Variants in RAB11FIP3 observed in about 807,000 individuals in gnomAD.
RAB11FIP3 encodes RAB11 family interacting protein 3, also known as rab11 family-interacting protein 3.
Under a neutral mutation model 77.8 loss-of-function variants are expected in RAB11FIP3, and 17 were observed. The ratio of observed to expected loss-of-function variants is 0.22; its 90% CI spans 0.15 to 0.33. The LOEUF is 0.33. Among genes scored for constraint, RAB11FIP3 ranks in the 10% least tolerant of loss-of-function variants. RAB11FIP3 has a pLI of 1.00. For missense variants in RAB11FIP3, 1,005 were observed against 1,011.2 expected (o/e 0.99, Z 0.08); for synonymous variants, 437 against 448.2 (o/e 0.98, Z 0.31).
intron 1 of RAB11FIP3, among the ~76,000 whole-genome samples, chr16:450,435 C>T (rs1394586702): frequency 6.6e-6 from 1 of 152,202 alleles, no homozygotes; most frequent in African/African-American, 2.4e-5. Flanking sequence ...ATCCCCTGGC[C>T]TCCAAAAGTG....
chr16:463,403 G>A (rs1188457016), intron 2 of RAB11FIP3, among the ~76,000 whole-genome samples: 1 of 151,270 alleles, frequency 6.6e-6, no homozygotes, highest in Non-Finnish European at 1.5e-5. Flanking sequence ...GATGGCTCTG[G>A]GGAAACGTGC....
At chr16:466,581 A>AC (rs1485537965) in intron 2 of RAB11FIP3, among the ~76,000 whole-genome samples, 1 of 152,164 alleles carries the variant, frequency 6.6e-6, no homozygotes, top group Non-Finnish European at 1.5e-5. Flanking sequence ...TCTGTCTGGG[A>AC]AGCCTGGGGG....
intron 1 of RAB11FIP3, among the ~76,000 whole-genome samples, chr16:434,698 A>G (rs1472628803): frequency 6.6e-6 from 1 of 152,084 alleles, no homozygotes. Flanking sequence ...GATTACAAGC[A>G]TGAGCCACTG....
intron 1 of RAB11FIP3, among the ~76,000 whole-genome samples, chr16:444,390 G>A (rs1006332643): frequency 3.9e-5 from 6 of 152,148 alleles, no homozygotes; most frequent in African/African-American, 1.4e-4. Flanking sequence ...TCTCTTTTGT[G>A]CTGACTTAAA....
rs2055872913 is a variant in RAB11FIP3 at position 474,931 on chromosome 16, C to A, written c.903+3542C>A. The A allele has an allele frequency of 2.6e-6, 4 of 1,545,844 alleles. No individual in the cohort carries two copies. The South Asian group carries it at 3.6e-5, about 14-fold the overall frequency. On this transcript the variant is annotated intron_variant, in intron 3 of 13. Coordinates refer to ENST00000262305, the MANE Select transcript of RAB11FIP3 (RefSeq NM_014700.4). The stretch of plus-strand genomic sequence containing the variant: ...GGTGAGCGCACAGGCTTTGCAGAAA[C>A]CCCAGCATGACAAGCAAGTAGGAAG...
rs1373274469 is a variant in RAB11FIP3, at chr16:508,325, T to C, written c.1500-2335T>C. On this transcript the variant is annotated intron_variant, in intron 8 of 13. Transcript: ENST00000262305. ...ACATACTTGGAGGAGGATCTTGTAT[T>C]ATTTGCCGTGCTGTGCACCTGGTTT... 5.9e-5 allele frequency among the ~76,000 whole-genome samples: 9 copies of C among 152,224 alleles called. No homozygotes were observed. The East Asian group carries it at 1.7e-3, about 29-fold the overall frequency.
In RAB11FIP3 at chr16:491,090, A is replaced by G; in HGVS notation, c.1265+2090A>G. The G allele has an allele frequency of 3.1e-6, 4 of 1,276,202 alleles. No individual in the cohort carries two copies. In the South Asian group the frequency reaches 5.0e-5, roughly 16 times the overall value. The allele number at this position is 1,276,202 out of a possible 1,614,324, so 79.1% of individuals were successfully genotyped here. ...CTCGTGCGGAGTCACAGATGACCACACGGGTCCTCATCCTCTCCTGAACGG... is the reference window on the plus strand; with the variant it reads ...CTCGTGCGGAGTCACAGATGACCACGCGGGTCCTCATCCTCTCCTGAACGG... On this transcript the variant is annotated intron_variant, in intron 5 of 13. Coordinates refer to ENST00000262305, the MANE Select transcript of RAB11FIP3 (RefSeq NM_014700.4).
In RAB11FIP3 at chr16:505,887, C is replaced by T. The variant is rs939081848; in HGVS notation, c.1499+260C>T. Among the ~76,000 whole-genome samples the T allele has an allele frequency of 1.3e-5, 2 of 152,118 alleles. No individual in the cohort carries two copies. Among genetic ancestry groups the T allele is most frequent in the African/African-American group, 4.8e-5 (2 of 41,424 alleles). On this transcript the variant is annotated intron_variant, in intron 8 of 13. Transcript: ENST00000262305. This position sits in a 1 kb window ranked among gnomAD's most constrained non-coding sequence, Gnocchi z 4.0. ...CCAGAGGAGGGCACTGCCTCCCTCT[C>T]GGGAGCGCTGAGACCTGACCCACAC...
intron 9 of RAB11FIP3, among the ~76,000 whole-genome samples, chr16:512,936 C>A (rs1474393813): frequency 6.6e-6 from 1 of 152,068 alleles, no homozygotes; most frequent in Non-Finnish European, 1.5e-5. Flanking sequence ...CCCACCTCGG[C>A]CTCCCAAAGC....
At position 519,901 on chromosome 16, in the gene RAB11FIP3, C is replaced by T. The variant is rs2032597979; in HGVS notation, c.1860+10C>T. On this transcript the variant is annotated intron_variant, in intron 11 of 13. Coordinates refer to ENST00000262305, the MANE Select transcript of RAB11FIP3 (RefSeq NM_014700.4). ...GGAGGCCACCCAGGAGGTGAGCACC[C>T]ACCCTGCCCCACGCCCAGTCCTGCG... The T allele has an allele frequency of 1.9e-6, 3 of 1,570,510 alleles. No homozygotes were observed. Among genetic ancestry groups the T allele is most frequent in the Admixed American group, 1.9e-5 (1 of 53,648 alleles).
At chr16:430,559 TG>T (rs1284415231) in intron 1 of RAB11FIP3, among the ~76,000 whole-genome samples, 1 of 152,122 alleles carries the variant, frequency 6.6e-6, no homozygotes, top group African/African-American at 2.4e-5. Context: ...TGCACCTTTT[TG>T]TTCGTTTGTT....
chr16:493,637 C>T (rs1194274308), intron 5 of RAB11FIP3, among the ~76,000 whole-genome samples: 3 of 152,264 alleles, frequency 2.0e-5, no homozygotes, highest in East Asian at 1.9e-4. Flanking sequence ...GACAGAGTCT[C>T]GCTTTGTGAC....
chr16:446,350 C>T (rs573864006), intron 1 of RAB11FIP3, among the ~76,000 whole-genome samples: 85 of 152,310 alleles, frequency 5.6e-4, no homozygotes, highest in African/African-American at 2.0e-3. Flanking sequence ...CCCAGAGAGG[C>T]AGGGCACTGA....
intron 9 of RAB11FIP3, among the ~76,000 whole-genome samples, chr16:515,414 C>T (rs1311663417): frequency 6.6e-6 from 1 of 152,192 alleles, no homozygotes; most frequent in Non-Finnish European, 1.5e-5. Flanking sequence ...GCTGCACACA[C>T]TCCTAACGCA....
intron 6 of RAB11FIP3, among the ~76,000 whole-genome samples, chr16:497,728 G>A (rs80060500): frequency 6.6e-5 from 10 of 152,230 alleles, no homozygotes; most frequent in South Asian, 6.2e-4. Context: ...TTTGTCCAGC[G>A]TATCTTCCTG....
intron 4 of RAB11FIP3, among the ~76,000 whole-genome samples, chr16:488,504 G>C (rs920457186): frequency 1.3e-5 from 2 of 152,022 alleles, no homozygotes; most frequent in Non-Finnish European, 2.9e-5. Flanking sequence ...GGCCTCCCAG[G>C]CTCAAGCGAT....
Position 461,451 on chromosome 16 carries a change from C to T in RAB11FIP3, c.762C>T (p.Ile254=). 1 of 1,614,036 alleles carries T rather than the reference C, an allele frequency of 6.2e-7. No homozygotes were observed. The highest frequency in any genetic ancestry group is 1.1e-5 in the South Asian group (1 of 91,078). Residue 254 remains isoleucine, a synonymous_variant, in exon 2 of 14, where the codon ATC becomes ATT. Transcript: ENST00000262305. The surrounding 1 kb of genome is among the most constrained non-coding windows in gnomAD (Gnocchi z 4.5). ...TGGATCCCAGTGGGCTCGGCGTGATCAGCTTTGAAGACTTCTACCAAGGGA... is the reference window on the plus strand; with the variant it reads ...TGGATCCCAGTGGGCTCGGCGTGATTAGCTTTGAAGACTTCTACCAAGGGA... ...KYLDPSGLGV[I]SFEDFYQGIT...
Position 426,750 on chromosome 16 carries a change from A to T in RAB11FIP3, c.714+30A>T, listed in dbSNP as rs2054953118. 1.5e-5 allele frequency: 22 copies of T among 1,457,704 alleles called. No individual in the cohort carries two copies. The East Asian group carries it at 5.7e-4, about 38-fold the overall frequency. 90.3% of individuals were successfully genotyped at this position (1,457,704 alleles called of 1,614,324 possible). On this transcript the variant is annotated intron_variant, in intron 1 of 13. Transcript: ENST00000262305. The surrounding 1 kb of genome is among the most constrained non-coding windows in gnomAD (Gnocchi z 5.0). ...GGAGCGGCCCGGGCCGGGGCGTGGG[A>T]ACTGGGCAGGTGCGCGCTGGCCGGC...
At position 519,787 on chromosome 16, in the gene RAB11FIP3, C is replaced by G; in HGVS notation, c.1756C>G (p.Leu586Val). The G allele has an allele frequency of 6.2e-7, 1 of 1,611,960 alleles. No homozygotes were observed. The highest frequency in any genetic ancestry group is 8.5e-7 in the Non-Finnish European group (1 of 1,179,384). Residue 586 changes from leucine to valine, a missense_variant, in exon 11 of 14, where the codon CTG (leucine) becomes GTG (valine). Coordinates refer to ENST00000262305, the MANE Select transcript of RAB11FIP3 (RefSeq NM_014700.4). ...KQKLLDEIES[L>V]TLRLSEEQEN... ...GAAGCTGTTGGATGAGATAGAGTCGCTGACGCTGCGGCTCAGTGAAGAGCA... is the reference window on the plus strand; with the variant it reads ...GAAGCTGTTGGATGAGATAGAGTCGGTGACGCTGCGGCTCAGTGAAGAGCA...
Sources: allele counts gnomAD v4.1 joint callset (sites outside exome capture counted in the v4.1 genomes callset), GRCh38; gene constraint gnomAD v4.1.1; non-coding constraint Gnocchi (gnomAD v3.1); transcripts MANE v1.5; gene names NCBI Gene and HGNC (gene_info 2026-07-23, HGNC 2026-07-21).